Variants in GPC5 observed in about 807,000 individuals in gnomAD.
The protein encoded by GPC5 is glypican 5.
A neutral mutation model predicts 53.9 loss-of-function variants in GPC5; 47 were observed. That is an observed-to-expected ratio of 0.87 (90% CI 0.69 to 1.11). The LOEUF is 1.11. Ranked by LOEUF, GPC5 falls within the 50% of genes most tolerant of loss-of-function variation. The pLI is 0.00. For missense variants in GPC5, 748 were observed against 713.1 expected, an observed-to-expected ratio of 1.05 and a Z score of -0.56; for synonymous variants, 286 against 263.3, an observed-to-expected ratio of 1.09 and a Z score of -0.84.
chr13:92,795,330 T>C (rs913244830), intron 7 of GPC5, among the ~76,000 whole-genome samples: 3 of 152,258 alleles, frequency 2.0e-5, no homozygotes, highest in South Asian at 2.1e-4. Context: ...TGGCTAGCCA[T>C]ATGTAGAAAG....
intron 7 of GPC5, among the ~76,000 whole-genome samples, chr13:92,382,062 G>A (rs1188073053): frequency 6.6e-6 from 1 of 151,172 alleles, no homozygotes; most frequent in African/African-American, 2.4e-5. Flanking sequence ...AACAGCATGT[G>A]CAGTGACCTG....
At chr13:92,851,405 C>A (rs1487015301) in intron 7 of GPC5, among the ~76,000 whole-genome samples, 1 of 152,146 alleles carries the variant, frequency 6.6e-6, no homozygotes, top group African/African-American at 2.4e-5. Flanking sequence ...CTGGAAGAGT[C>A]TTCTCTCAGT....
intron 6 of GPC5, among the ~76,000 whole-genome samples, chr13:92,012,321 A>G (rs1200895150): frequency 6.6e-6 from 1 of 152,130 alleles, no homozygotes; most frequent in Non-Finnish European, 1.5e-5. Context: ...AACTATCAAA[A>G]CATGCTAATT....
intron 7 of GPC5, among the ~76,000 whole-genome samples, chr13:92,674,699 T>C (rs1370922986): frequency 6.6e-6 from 1 of 152,128 alleles, no homozygotes; most frequent in Non-Finnish European, 1.5e-5. Context: ...TATCTTCTTC[T>C]TTCTGTTGAA....
At chr13:92,234,583 C>A (rs2042556264) in intron 7 of GPC5, among the ~76,000 whole-genome samples, 1 of 149,942 alleles carries the variant, frequency 6.7e-6, no homozygotes, top group South Asian at 2.1e-4. Context: ...GGCTGGGGGG[C>A]AATACATTGT....
rs1566320372 is a variant in GPC5, at chr13:92,613,396, TA to T, written c.1562-252885del. Among the ~76,000 whole-genome samples the T allele has an allele frequency of 1.0e-3, 73 of 70,594 alleles. 1 individual carries two copies. Among genetic ancestry groups the T allele is most frequent in the South Asian group, 4.8e-3 (7 of 1,448 alleles). The allele number at this position is 70,594 out of a possible 152,430, so 46.3% of individuals were successfully genotyped here. Reference sequence around the variant, plus strand: ...ATAAATATATTATATTATATATAAATATATATTATATTATATATAAATATGA... The same window carrying T: ...ATAAATATATTATATTATATATAAATTATATTATATTATATATAAATATGA... On this transcript the variant is annotated intron_variant, in intron 7 of 7. Transcript: ENST00000377067.
At position 92,127,859 on chromosome 13, in the gene GPC5, T is replaced by C. The variant is rs544600380; in HGVS notation, c.1402-16971T>C. ...GTATTTTCAAAGAAAAAAGCACAAA[T>C]ACACCCATAGAACAGTGTGAAATAC... On this transcript the variant is annotated intron_variant, in intron 6 of 7. Coordinates refer to ENST00000377067, the MANE Select transcript of GPC5 (RefSeq NM_004466.6). Among the ~76,000 whole-genome samples the C allele has an allele frequency of 2.1e-4, 32 of 152,266 alleles. No homozygotes were observed. The South Asian group carries it at 6.0e-3, about 29-fold the overall frequency.
At chr13:91,880,587 A>G (rs554863216) in intron 5 of GPC5, among the ~76,000 whole-genome samples, 21 of 152,278 alleles carry the variant, frequency 1.4e-4, no homozygotes, top group African/African-American at 5.1e-4. Context: ...AGTCATTTTA[A>G]TATTCTCACT....
At chr13:92,227,177 A>C (rs76785142) in intron 7 of GPC5, among the ~76,000 whole-genome samples, 4,385 of 152,232 alleles carry the variant, frequency 0.029, 202 homozygotes, top group African/African-American at 0.097. Flanking sequence ...GAAATACCAA[A>C]GTGGAGGGTG....
chr13:92,742,688 T>G (rs1889137290), intron 7 of GPC5, among the ~76,000 whole-genome samples: 1 of 152,178 alleles, frequency 6.6e-6, no homozygotes, highest in Non-Finnish European at 1.5e-5. Flanking sequence ...TTACCTAGGT[T>G]TTCTTCCAGG....
At chr13:91,828,374 G>C (rs1356415500) in intron 5 of GPC5, among the ~76,000 whole-genome samples, 1 of 151,768 alleles carries the variant, frequency 6.6e-6, no homozygotes. Flanking sequence ...TAGGTAGGTA[G>C]GTAGGTAGGT....
chr13:91,697,024 A>C (rs1350870856), intron 3 of GPC5, among the ~76,000 whole-genome samples: 1 of 152,240 alleles, frequency 6.6e-6, no homozygotes, highest in Non-Finnish European at 1.5e-5. Context: ...ATACCATAAT[A>C]GTATCCTTGT....
chr13:92,750,255 G>A (rs1889348039), intron 7 of GPC5, among the ~76,000 whole-genome samples: 1 of 152,108 alleles, frequency 6.6e-6, no homozygotes, highest in South Asian at 2.1e-4. Flanking sequence ...TTTGTAAACT[G>A]TAAGAAAACT....
intron 6 of GPC5, among the ~76,000 whole-genome samples, chr13:92,004,458 T>TTATATATGTATATA (rs2040585894): frequency 1.2e-5 from 1 of 82,528 alleles, no homozygotes; most frequent in Non-Finnish European, 2.2e-5. Context: ...AAAAAAAAAA[T>TTATATATGTATATA]TATATATATA....
At chr13:92,662,284 ATT>A (rs778629271) in intron 7 of GPC5, among the ~76,000 whole-genome samples, 1 of 152,142 alleles carries the variant, frequency 6.6e-6, no homozygotes, top group Non-Finnish European at 1.5e-5. Context: ...GAATGATTAA[ATT>A]TTCAATTGCA....
At chr13:91,466,923 T>C (rs1445384355) in intron 2 of GPC5, among the ~76,000 whole-genome samples, 1 of 152,158 alleles carries the variant, frequency 6.6e-6, no homozygotes, top group Non-Finnish European at 1.5e-5. Flanking sequence ...TTATTTAGTA[T>C]ATATTGAATG....
intron 7 of GPC5, among the ~76,000 whole-genome samples, chr13:92,550,787 A>C (rs1443371401): frequency 6.6e-6 from 1 of 151,926 alleles, no homozygotes; most frequent in Non-Finnish European, 1.5e-5. Flanking sequence ...CAGCAGCAAC[A>C]ACAGCAGCAT....
At chr13:92,088,203 C>T (rs888894126) in intron 6 of GPC5, among the ~76,000 whole-genome samples, 3 of 152,106 alleles carry the variant, frequency 2.0e-5, no homozygotes, top group Admixed American at 6.5e-5. Context: ...ACTACTCTAC[C>T]GAAGCTGCTC....
At chr13:91,881,038 G>A (rs1353554323) in intron 5 of GPC5, among the ~76,000 whole-genome samples, 4 of 152,168 alleles carry the variant, frequency 2.6e-5, no homozygotes, top group East Asian at 1.9e-4. Context: ...TGATCTGCCC[G>A]CTTCGGCCTC....
Sources: gnomAD v4.1 joint callset for allele counts (sites outside exome capture counted in the v4.1 genomes callset) on GRCh38, gnomAD v4.1.1 for gene constraint, MANE v1.5 for transcripts, NCBI Gene and HGNC (gene_info 2026-07-23, HGNC 2026-07-21) for gene names.